Variants in STRA6 observed in about 807,000 individuals in gnomAD.
STRA6 encodes signaling receptor and transporter of retinol STRA6.
Under a neutral mutation model 83.6 loss-of-function variants are expected in STRA6, and 48 were observed. That is an observed-to-expected ratio of 0.57 (90% CI 0.46 to 0.73). STRA6 has a LOEUF of 0.73. STRA6 is among the 30% of genes least tolerant of loss of function. STRA6 has a pLI of 0.00. For missense variants in STRA6, 760 were observed against 838.8 expected (o/e 0.91, Z 1.16); for synonymous variants, 353 against 362.3 (o/e 0.97, Z 0.29).
chr15:74,195,408 C>G lies in STRA6; in HGVS notation c.491G>C (p.Cys164Ser). 6.2e-7 allele frequency: 1 copy of G among 1,613,820 alleles called. No homozygotes were observed. Among genetic ancestry groups the G allele is most frequent in the East Asian group, 2.2e-5 (1 of 44,878 alleles). Residue 164 changes from cysteine to serine, a missense_variant, in exon 7 of 19, where the codon TGT becomes TCT. Physicochemically the swap from Cys to Ser is moderately radical, Grantham distance 112. Transcript: ENST00000395105. ...YAALYYPLAA[C>S]ATAGHTAAHL... ...TGCAGCTGTGTGGCCAGCCGTGGCA[C>G]AGGCAGCCAGAGGGTAGTAGAGGGC...
At chr15:74,187,151 A>C (rs2073293957) in intron 12 of STRA6, among the ~76,000 whole-genome samples, 1 of 152,218 alleles carries the variant, frequency 6.6e-6, no homozygotes, top group South Asian at 2.1e-4. Context: ...TGGTGAGTGT[A>C]CAGGCTAACA....
At position 74,181,742 on chromosome 15, in the gene STRA6, T is replaced by C. The variant is rs75966499; in HGVS notation, c.1521-284A>G. Among the ~76,000 whole-genome samples the C allele has an allele frequency of 0.015, 2,251 of 152,256 alleles. 56 individuals are homozygous for C. The highest frequency in any genetic ancestry group is 0.049 in the African/African-American group (2,023 of 41,528). ...CTCTAGGTCCATCTGAGTCTTTCTA[T>C]GACCCTGATGCCTCCCACCTCCCTT... On this transcript the variant is annotated intron_variant, in intron 16 of 18. Coordinates refer to ENST00000395105, the MANE Select transcript of STRA6 (RefSeq NM_022369.4).
At chr15:74,208,024 G>GC (rs2074302403) in intron 1 of STRA6, 4 of 1,372,210 alleles carry the variant, frequency 2.9e-6, no homozygotes, top group Non-Finnish European at 3.8e-6. Context: ...CAATTCTCAT[G>GC]CCCCCCTCAC....
exon 1 of STRA6, chr15:74,208,893 G>C: frequency 1.0e-6 from 1 of 989,702 alleles, no homozygotes; most frequent in Non-Finnish European, 1.2e-6. Context: ...AGGCAAGCAG[G>C]GTGCTCCCAA....
At chr15:74,197,606 G>T in intron 3 of STRA6, 146 bp downstream of exon 3, 1 of 1,232,378 alleles carries the variant, frequency 8.1e-7, no homozygotes, top group Non-Finnish European at 1.2e-6. Flanking sequence ...CCTGGTTTGG[G>T]CCTCCAAGCT....
intron 12 of STRA6, among the ~76,000 whole-genome samples, chr15:74,187,158 A>C (rs2073294836): frequency 6.6e-6 from 1 of 152,216 alleles, no homozygotes; most frequent in Non-Finnish European, 1.5e-5. Context: ...TGTACAGGCT[A>C]ACACAGGGTT....
chr15:74,187,331 T>A (rs866032106), intron 12 of STRA6, among the ~76,000 whole-genome samples: 1 of 152,208 alleles, frequency 6.6e-6, no homozygotes, highest in Non-Finnish European at 1.5e-5. Context: ...TGTGCCTGCC[T>A]TCTTCTGGGC....
In STRA6 at chr15:74,191,219, G is replaced by A; in HGVS notation, c.813C>T (p.Phe271=). Residue 271 remains phenylalanine, a synonymous_variant, in exon 10 of 19, where the codon TTC becomes TTT. Coordinates refer to ENST00000395105, the MANE Select transcript of STRA6 (RefSeq NM_022369.4). ...TCAAGCAGACGCGGGCCCAGGACAG[G>A]AAGCCATGCTTGGAGGTGTGGTAGC... is the stretch of plus-strand genomic sequence containing the variant. ...GSSYHTSKHG[F]LSWARVCLRH... The A allele has an allele frequency of 2.5e-6, 4 of 1,613,994 alleles. No homozygotes were observed. The highest frequency in any genetic ancestry group is 3.4e-6 in the Non-Finnish European group (4 of 1,179,994).
upstream of STRA6, among the ~76,000 whole-genome samples, chr15:74,206,357 G>A (rs1353080449): frequency 6.6e-6 from 1 of 152,210 alleles, no homozygotes; most frequent in Admixed American, 6.5e-5. Flanking sequence ...TCCTCAGCTT[G>A]GGGCTAGAAT....
At chr15:74,191,128 G>A (rs532761613) in intron 10 of STRA6, 39 bp downstream of exon 10, 17 of 1,610,144 alleles carry the variant, frequency 1.1e-5, no homozygotes, top group East Asian at 6.7e-5. Flanking sequence ...GGAGGGTAAC[G>A]TCCCCTGTCA....
chr15:74,180,294 C>CAGCCGTGGT, intron 18 of STRA6, 51 bp from the exon 19 acceptor site: 1 of 1,610,440 alleles, frequency 6.2e-7, no homozygotes, highest in Non-Finnish European at 8.5e-7. Context: ...CCAGCCAACC[C>CAGCCGTGGT]TCCCTGGCCC....
intron 2 of STRA6, among the ~76,000 whole-genome samples, chr15:74,198,194 C>A (rs576034982): frequency 2.6e-4 from 40 of 152,042 alleles, no homozygotes; most frequent in African/African-American, 9.2e-4. Context: ...GCAGCCTCAG[C>A]CTCCTGGGCT....
intron 7 of STRA6, 84 bp from the exon 8 acceptor site, chr15:74,194,006 C>T: frequency 6.3e-7 from 1 of 1,581,774 alleles, no homozygotes; most frequent in Non-Finnish European, 8.6e-7. Context: ...TCCCACCTCA[C>T]ACTGGGCCCT....
In STRA6 at chr15:74,195,076, C is replaced by T. The variant is rs568210247; in HGVS notation, c.597+226G>A. On this transcript the variant is annotated intron_variant, in intron 7 of 18. Transcript: ENST00000395105. Reference sequence around the variant, plus strand: ...GCCCACTTCCCCTTCTCCGCCACCTCCTAGACTTAAAGTTCCTGAGGGCTG... The same window carrying T: ...GCCCACTTCCCCTTCTCCGCCACCTTCTAGACTTAAAGTTCCTGAGGGCTG... The T allele has an allele frequency of 6.2e-6, 9 of 1,456,504 alleles. No homozygotes were observed. In the Admixed American group the frequency reaches 1.7e-4, roughly 28 times the overall value. 90.2% of individuals were successfully genotyped at this position (1,456,504 alleles called of 1,614,324 possible).
At chr15:74,195,947 C>T (rs1024679912) in intron 5 of STRA6, 61 bp downstream of exon 5, 69 of 1,606,484 alleles carry the variant, frequency 4.3e-5, no homozygotes, top group Middle Eastern at 1.9e-4. Flanking sequence ...CTTAAAACTC[C>T]GAGACCCCAC....
In STRA6 at chr15:74,200,826, C is replaced by A. The variant is rs755257601; in HGVS notation, c.113+1329G>T. Among the ~76,000 whole-genome samples the A allele has an allele frequency of 2.0e-5, 3 of 152,344 alleles. No individual in the cohort carries two copies. The East Asian group carries it at 5.8e-4, about 29-fold the overall frequency. ...GGACTGGACTCCCCATCACCCAGTG[C>A]CTGACATACACACAACTTTATTCTG... On this transcript the variant is annotated intron_variant, in intron 2 of 18. Coordinates refer to ENST00000395105, the MANE Select transcript of STRA6 (RefSeq NM_022369.4).
In STRA6 at chr15:74,188,519, G is replaced by T. The variant is rs771442887; in HGVS notation, c.1090+596C>A. 6.6e-6 allele frequency among the ~76,000 whole-genome samples: 1 copy of T among 152,218 alleles called. No homozygotes were observed. Among genetic ancestry groups the T allele is most frequent in the Non-Finnish European group, 1.5e-5 (1 of 68,034 alleles). On this transcript the variant is annotated intron_variant, in intron 12 of 18. Coordinates refer to ENST00000395105, the MANE Select transcript of STRA6 (RefSeq NM_022369.4). This position sits in a 1 kb window ranked among gnomAD's most constrained non-coding sequence, Gnocchi z 4.5. ...AAATCCTTCCCCATGTGTCAAGTGG[G>T]GACACTTCTCAGTCCCCTCCACAGC... is the stretch of plus-strand genomic sequence containing the variant.
chr15:74,194,780 C>T (rs148423931), intron 7 of STRA6: 36 of 1,275,314 alleles, frequency 2.8e-5, no homozygotes, highest in Non-Finnish European at 3.4e-5. Flanking sequence ...TGGATTCACA[C>T]TCAGGTTGTC....
upstream of STRA6, among the ~76,000 whole-genome samples, chr15:74,204,081 C>T (rs1009472900): frequency 4.6e-5 from 7 of 152,210 alleles, no homozygotes; most frequent in Non-Finnish European, 2.9e-5. Flanking sequence ...CCCAAATGGC[C>T]CTTCTTGCAG....
Sources: gnomAD v4.1 joint callset for allele counts (sites outside exome capture counted in the v4.1 genomes callset) on GRCh38, gnomAD v4.1.1 for gene constraint, Gnocchi (gnomAD v3.1) non-coding constraint, MANE v1.5 for transcripts, NCBI Gene and HGNC (gene_info 2026-07-23, HGNC 2026-07-21) for gene names.